Variants in UBAP2L observed in about 807,000 individuals in gnomAD.
The protein encoded by UBAP2L is ubiquitin associated protein 2 like, also known as ubiquitin-associated protein 2-like.
A neutral mutation model predicts 130.6 loss-of-function variants in UBAP2L; 12 were observed. The observed-to-expected ratio is 0.09, with a 90% CI of 0.06 to 0.15. The LOEUF is 0.15. UBAP2L is among the 10% of genes least tolerant of loss of function. The pLI, the probability that UBAP2L is intolerant of heterozygous loss-of-function variation, is 1.00. For synonymous variants in UBAP2L, 503 were observed against 524.7 expected (o/e 0.96, Z 0.57); for missense variants, 965 against 1,332.5 (o/e 0.72, Z 4.29).
intron 26 of UBAP2L, 50 bp downstream of exon 26, chr1:154,269,004 CT>C (rs1453550382): frequency 8.1e-6 from 13 of 1,597,186 alleles, no homozygotes; most frequent in Non-Finnish European, 1.1e-5. Flanking sequence ...CTTCCTATCC[CT>C]TAAAACTGCC....
chr1:154,236,526 A>G (rs1317114284), intron 6 of UBAP2L, 40 bp from the exon 7 acceptor site: 1 of 1,611,744 alleles, frequency 6.2e-7, no homozygotes, highest in Admixed American at 1.7e-5. Flanking sequence ...ATCAACTTCT[A>G]AAATACATCT....
At chr1:154,252,856 G>A (rs984135699) in intron 14 of UBAP2L, among the ~76,000 whole-genome samples, 5 of 152,104 alleles carry the variant, frequency 3.3e-5, no homozygotes, top group Non-Finnish European at 4.4e-5. Context: ...ACCACACCCG[G>A]CCCAAATCTT....
intron 2 of UBAP2L, 75 bp downstream of exon 2, chr1:154,225,288 T>C (rs1667552588): frequency 2.0e-6 from 3 of 1,516,158 alleles, no homozygotes; most frequent in Non-Finnish European, 2.7e-6. Flanking sequence ...TACAGCATCA[T>C]TCTGTGCTTT....
intron 17 of UBAP2L, 40 bp from the exon 18 acceptor site, chr1:154,255,643 A>G (rs748600655): frequency 3.7e-6 from 6 of 1,602,534 alleles, no homozygotes; most frequent in East Asian, 2.2e-5. Flanking sequence ...TCACGTAACT[A>G]TAGCACTATG....
rs1228174321 is a variant in UBAP2L at position 154,255,270 on chromosome 1, G to T, written c.2028G>T (p.Leu676Phe). 1.2e-6 allele frequency: 2 copies of T among 1,614,124 alleles called. No individual in the cohort carries two copies. The highest frequency in any genetic ancestry group is 3.3e-5 in the Admixed American group (2 of 60,030). ...CAACCAATCAGCATTCATCCTCCTTGGGTGGCTTGAGCCACAGTGAGGAGA... is the reference window on the plus strand; with the variant it reads ...CAACCAATCAGCATTCATCCTCCTTTGGTGGCTTGAGCCACAGTGAGGAGA... ...LTTTNQHSSS[L>F]GGLSHSEEIP... Residue 676 changes from leucine (L) to phenylalanine (F), a missense_variant, in exon 17 of 27, where the codon TTG (leucine) becomes TTT (phenylalanine). By Grantham distance (22) the Leu-to-Phe change is conservative (BLOSUM62 0). Transcript: ENST00000428931.
rs750001208 is a variant in UBAP2L, at chr1:154,253,973, A to G, written c.1738A>G (p.Thr580Ala). The G allele has an allele frequency of 3.1e-6, 5 of 1,613,946 alleles. No individual in the cohort carries two copies. The highest frequency in any genetic ancestry group is 1.1e-5 in the South Asian group (1 of 91,080). The change falls in exon 15 of 27, where the codon ACC becomes GCC. Residue 580 changes from threonine (T) to alanine (A), a missense_variant. Around this residue, in one of 9 missense-constraint regions of UBAP2L, gnomAD observed 393 missense variants for 408.1 expected, o/e 0.96. Transcript: ENST00000428931. Reference sequence around the variant, plus strand: ...TCAGAGCGGCCCAATTCAGTCGACAACCTATACCTCCCAAAATAATGCTCA... The same window carrying G: ...TCAGAGCGGCCCAATTCAGTCGACAGCCTATACCTCCCAAAATAATGCTCA... ...GYQSGPIQSTTYTSQNNAQGP... is the reference protein window; with the variant it reads ...GYQSGPIQSTAYTSQNNAQGP...
rs186378736 is a variant in UBAP2L, at chr1:154,228,148, T to A, written c.169-467T>A. ...GTTGGGGGGGTGGTTCTGGAAAACC[T>A]GCTAGGCAAATTCTACATCATTTTT... On this transcript the variant is annotated intron_variant, in intron 3 of 26. Transcript: ENST00000428931. Among the ~76,000 whole-genome samples the A allele has an allele frequency of 6.1e-4, 93 of 152,224 alleles. 1 individual carries two copies. Among genetic ancestry groups the A allele is most frequent in the African/African-American group, 2.0e-3 (82 of 41,566 alleles).
At chr1:154,269,357 C>G (rs1346183984) in intron 26 of UBAP2L, 2 of 1,326,562 alleles carry the variant, frequency 1.5e-6, no homozygotes, top group Non-Finnish European at 2.0e-6. Flanking sequence ...CTGGTTCTGC[C>G]TCAGCTACCA....
chr1:154,250,910 C>A, intron 12 of UBAP2L, 131 bp from the exon 13 acceptor site: 1 of 917,772 alleles, frequency 1.1e-6, no homozygotes. Flanking sequence ...GAGATTAAGC[C>A]CCAAAAGAGG....
chr1:154,252,308 GT>G (rs1199513488), intron 14 of UBAP2L, among the ~76,000 whole-genome samples: 2 of 129,168 alleles, frequency 1.5e-5, no homozygotes, highest in Non-Finnish European at 3.2e-5. Flanking sequence ...TTTAGATGGA[GT>G]TTTGCTCTGT....
intron 24 of UBAP2L, chr1:154,263,011 T>G: frequency 8.1e-7 from 1 of 1,235,028 alleles, no homozygotes; most frequent in Non-Finnish European, 1.1e-6. Context: ...CAGAAACGTA[T>G]TATATCAGCC....
upstream of UBAP2L, chr1:154,220,274 CAGCTCA>C: frequency 2.5e-6 from 4 of 1,569,660 alleles, no homozygotes; most frequent in Non-Finnish European, 3.5e-6. Flanking sequence ...AGACGGGGTA[CAGCTCA>C]AAAGGAGGGT....
intron 2 of UBAP2L, among the ~76,000 whole-genome samples, chr1:154,225,992 T>C (rs1047419298): frequency 6.6e-6 from 1 of 152,216 alleles, no homozygotes; most frequent in Non-Finnish European, 1.5e-5. Flanking sequence ...TTTTGTATTT[T>C]TAGTAGAGAC....
In UBAP2L at chr1:154,251,093, G is replaced by A; in HGVS notation, c.1266G>A (p.Gln422=). Residue 422 remains glutamine, a synonymous_variant, in exon 13 of 27, where the codon CAG becomes CAA. Coordinates refer to ENST00000428931, the MANE Select transcript of UBAP2L (RefSeq NM_014847.4). The part of the protein sequence containing the change: ...SAVHSPFTKR[Q]AFTPSSTMME... ...TGCACAGCCCCTTTACAAAGCGCCA[G>A]GCTTTTACCCCATCTTCAACCATGA... is the stretch of plus-strand genomic sequence containing the variant. 1.2e-6 allele frequency: 2 copies of A among 1,614,084 alleles called. No individual in the cohort carries two copies. The highest frequency in any genetic ancestry group is 1.7e-6 in the Non-Finnish European group (2 of 1,180,028).
chr1:154,226,953 G>A (rs1668141383), intron 2 of UBAP2L, among the ~76,000 whole-genome samples: 1 of 152,138 alleles, frequency 6.6e-6, no homozygotes, highest in Non-Finnish European at 1.5e-5. Flanking sequence ...CTCCCGAGTA[G>A]CTGGACCTAC....
chr1:154,270,987 G>A (rs995070897), downstream of UBAP2L: 45 of 1,529,604 alleles, frequency 2.9e-5, no homozygotes, highest in Middle Eastern at 5.0e-4. Context: ...TGAAATCTTC[G>A]CCCTTTAAGA....
At position 154,236,651 on chromosome 1, in the gene UBAP2L, T is replaced by C. The variant is rs780863333; in HGVS notation, c.590+40T>C. The C allele has an allele frequency of 2.9e-5, 46 of 1,608,708 alleles. 1 individual carries two copies. In the South Asian group the frequency reaches 4.3e-4, roughly 15 times the overall value. ...TCTAGTGTCTTAATTTTTTTTCCCT[T>C]AAAAATTACTGTAGGCAGCCTTAAC... On this transcript the variant is annotated intron_variant, in intron 7 of 26. Transcript: ENST00000428931.
chr1:154,239,971 G>A (rs1672964630), intron 8 of UBAP2L, among the ~76,000 whole-genome samples: 1 of 152,168 alleles, frequency 6.6e-6, no homozygotes, highest in Non-Finnish European at 1.5e-5. Context: ...TCTTTACAAT[G>A]AATATATTTT....
At chr1:154,222,966 T>G (rs996982265) in intron 1 of UBAP2L, among the ~76,000 whole-genome samples, 1 of 152,228 alleles carries the variant, frequency 6.6e-6, no homozygotes, top group Non-Finnish European at 1.5e-5. Context: ...TTAAATCTTT[T>G]TATTTTCTAA....
Sources: gnomAD v4.1 joint callset for allele counts (sites outside exome capture counted in the v4.1 genomes callset) on GRCh38, gnomAD v4.1.1 for gene constraint, gnomAD v4.1.1 regional missense constraint, MANE v1.5 for transcripts, NCBI Gene and HGNC (gene_info 2026-07-23, HGNC 2026-07-21) for gene names.